Variants in PLA2G7 observed in about 807,000 individuals in gnomAD.
PLA2G7 encodes phospholipase A2 group VII, also known as platelet-activating factor acetylhydrolase.
In PLA2G7, 63 loss-of-function variants were observed where a neutral mutation model predicts 49.6. The ratio of observed to expected loss-of-function variants is 1.27; its 90% CI spans 1.04 to 1.57. PLA2G7 has a LOEUF of 1.57. Among genes scored for constraint, PLA2G7 ranks in the 40% most tolerant of loss-of-function variants. The pLI is 0.00. For synonymous variants in PLA2G7, 193 were observed against 169.9 expected, an observed-to-expected ratio of 1.14 and a Z score of -1.06; for missense variants, 596 against 521.2, an observed-to-expected ratio of 1.14 and a Z score of -1.40.
chr6:46,705,703 CTTTAAA>C (rs1764798414), intron 10 of PLA2G7, among the ~76,000 whole-genome samples: 1 of 152,206 alleles, frequency 6.6e-6, no homozygotes, highest in African/African-American at 2.4e-5. Context: ...ATGCTAGTCA[CTTTAAA>C]TTTAAATCAC....
rs1055693175 is a variant in PLA2G7, at chr6:46,704,405, T to C, written c.*155A>G. On this transcript the variant is annotated 3_prime_UTR_variant, in exon 12 of 12. Coordinates refer to ENST00000274793, the MANE Select transcript of PLA2G7 (RefSeq NM_005084.4). The stretch of plus-strand genomic sequence containing the variant: ...ATCACGATTACAGTATAGCCTACAT[T>C]TTAAAATATGAGTCCTTTGGGAAAA... 2 of 654,340 alleles carry C rather than the reference T, an allele frequency of 3.1e-6. No individual in the cohort carries two copies. The highest frequency in any genetic ancestry group is 3.6e-5 in the African/African-American group (2 of 55,498). The allele number at this position is 654,340 out of a possible 1,614,324, so 40.5% of individuals were successfully genotyped here.
rs45511202 is a variant in PLA2G7 at position 46,707,410 on chromosome 6, G to T, written c.1040+581C>A. The stretch of plus-strand genomic sequence containing the variant: ...CCCCACCAAATCACATGTCAAATTG[G>T]AATCCCCAGTGTCAGAGGCAGGGAC... On this transcript the variant is annotated intron_variant, in intron 10 of 11. Transcript: ENST00000274793. Among the ~76,000 whole-genome samples the T allele has an allele frequency of 3.4e-3, 520 of 152,266 alleles. 2 individuals carry two copies. The highest frequency in any genetic ancestry group is 0.012 in the African/African-American group (494 of 41,560).
At chr6:46,729,332 G>C (rs1170162913) in intron 1 of PLA2G7, among the ~76,000 whole-genome samples, 3 of 152,170 alleles carry the variant, frequency 2.0e-5, no homozygotes, top group Non-Finnish European at 4.4e-5. Context: ...AAAGCTGTTA[G>C]CTCCCTAAAA....
At chr6:46,708,813 C>T (rs1764913768) in intron 9 of PLA2G7, among the ~76,000 whole-genome samples, 1 of 152,022 alleles carries the variant, frequency 6.6e-6, no homozygotes, top group Non-Finnish European at 1.5e-5. Context: ...ACGGTTGGTT[C>T]TATGTGATCT....
intron 10 of PLA2G7, among the ~76,000 whole-genome samples, chr6:46,707,622 A>G (rs1056927688): frequency 2.0e-5 from 3 of 152,156 alleles, no homozygotes; most frequent in African/African-American, 7.2e-5. Flanking sequence ...GCCTTCCACC[A>G]TAATTGTAAG....
At chr6:46,710,182 CTGATA>C (rs1226967443) in intron 8 of PLA2G7, among the ~76,000 whole-genome samples, 1 of 152,150 alleles carries the variant, frequency 6.6e-6, no homozygotes, top group Non-Finnish European at 1.5e-5. Context: ...CCCACTCTGT[CTGATA>C]TTTTTCCACC....
chr6:46,728,600 T>G (rs1441187487), intron 1 of PLA2G7, among the ~76,000 whole-genome samples: 1 of 152,226 alleles, frequency 6.6e-6, no homozygotes, highest in East Asian at 1.9e-4. Context: ...GCATCCCATG[T>G]GCAAATGTCC....
Position 46,705,216 on chromosome 6 carries a change from C to G in PLA2G7, c.1126G>C (p.Asp376His). 6.2e-7 allele frequency: 1 copy of G among 1,607,562 alleles called. No individual in the cohort carries two copies. Among genetic ancestry groups the G allele is most frequent in the East Asian group, 2.2e-5 (1 of 44,812 alleles). ...CTAAGATCAATAGCTACATTTGAAT[C>G]TATGTCTCCCTTTAATTTGAGCATG... ...GHMLKLKGDI[D>H]SNVAIDLSNK... The change falls in exon 11 of 12, where the codon GAT (aspartate) becomes CAT (histidine). Residue 376 changes from aspartate (D) to histidine (H), a missense_variant. Asp to His is a moderately conservative substitution (Grantham distance 81). Coordinates refer to ENST00000274793, the MANE Select transcript of PLA2G7 (RefSeq NM_005084.4).
chr6:46,713,186 C>T (rs186319726), intron 5 of PLA2G7, among the ~76,000 whole-genome samples: 3 of 152,306 alleles, frequency 2.0e-5, no homozygotes, highest in Admixed American at 2.0e-4. Context: ...GCTTCATTTG[C>T]ACAACCTTTT....
intron 2 of PLA2G7, among the ~76,000 whole-genome samples, chr6:46,719,909 C>G (rs1429050736): frequency 1.3e-5 from 2 of 152,214 alleles, no homozygotes; most frequent in Admixed American, 6.5e-5. Context: ...GATTCAAACC[C>G]CAGAAACTTT....
intron 1 of PLA2G7, among the ~76,000 whole-genome samples, chr6:46,725,824 G>T (rs1765556124): frequency 6.6e-6 from 1 of 152,112 alleles, no homozygotes; most frequent in Admixed American, 6.5e-5. Context: ...CACTGAAGGG[G>T]CCAAGGGGGC....
At chr6:46,713,915 A>G (rs1765113720) in intron 5 of PLA2G7, among the ~76,000 whole-genome samples, 1 of 152,174 alleles carries the variant, frequency 6.6e-6, no homozygotes, top group Non-Finnish European at 1.5e-5. Context: ...AGGACTCTTG[A>G]TAAGCAAATA....
intron 1 of PLA2G7, among the ~76,000 whole-genome samples, chr6:46,730,563 C>G (rs908995545): frequency 6.6e-6 from 1 of 152,030 alleles, no homozygotes; most frequent in African/African-American, 2.4e-5. Context: ...GTGAACTGTC[C>G]TTATTCTATT....
At chr6:46,733,556 G>A (rs981177734) in intron 1 of PLA2G7, among the ~76,000 whole-genome samples, 3 of 152,214 alleles carry the variant, frequency 2.0e-5, no homozygotes, top group Non-Finnish European at 4.4e-5. Flanking sequence ...GCAGCTTCTG[G>A]TGCACAAATA....
intron 1 of PLA2G7, among the ~76,000 whole-genome samples, chr6:46,731,738 G>A (rs1765739913): frequency 6.6e-6 from 1 of 152,096 alleles, no homozygotes; most frequent in Admixed American, 6.5e-5. Flanking sequence ...AAATAATAAT[G>A]GTAATAATGT....
At chr6:46,731,824 C>G (rs1476011631) in intron 1 of PLA2G7, among the ~76,000 whole-genome samples, 1 of 152,108 alleles carries the variant, frequency 6.6e-6, no homozygotes, top group Non-Finnish European at 1.5e-5. Context: ...ATCTCATTCC[C>G]ATTTTGTAGA....
Position 46,707,993 on chromosome 6 carries a change from G to A in PLA2G7, c.1038C>T (p.Ile346=). 6.4e-7 allele frequency: 1 copy of A among 1,552,394 alleles called. No individual in the cohort carries two copies. The highest frequency in any genetic ancestry group is 1.7e-5 in the Admixed American group (1 of 59,584). ...SPDKERKMIT[I]RGSVHQNFAD... ...TGAAATAAGTCACTAATACTTACCT[G>A]ATTGTAATCATCTTTCTTTCTTTAT... Residue 346 remains isoleucine (I), a splice_region_variant and synonymous_variant, in exon 10 of 12, where the codon ATC becomes ATT. Coordinates refer to ENST00000274793, the MANE Select transcript of PLA2G7 (RefSeq NM_005084.4).
chr6:46,716,805 A>G (rs1406384256), intron 3 of PLA2G7, among the ~76,000 whole-genome samples, 170 bp downstream of exon 3: 2 of 152,372 alleles, frequency 1.3e-5, no homozygotes, highest in East Asian at 3.9e-4. Context: ...AGACAATAAC[A>G]AAGAATTGAG....
Position 46,714,471 on chromosome 6 carries a change from A to C in PLA2G7, c.459T>G (p.Leu153=), listed in dbSNP as rs1293844419. The change falls in exon 5 of 12, where the codon CTT becomes CTG. Residue 153 remains leucine (L), a synonymous_variant. Transcript: ENST00000274793. ...KYPLVVFSHG[L]GAFRTLYSAI... Reference sequence around the variant, plus strand: ...CTCTCAAACATTACCTGAATGCCCCAAGACCATGAGAAAAAACAACAAGTG... The same window carrying C: ...CTCTCAAACATTACCTGAATGCCCCCAGACCATGAGAAAAAACAACAAGTG... 6.2e-7 allele frequency: 1 copy of C among 1,608,332 alleles called. No individual in the cohort carries two copies. The highest frequency in any genetic ancestry group is 2.2e-5 in the East Asian group (1 of 44,840).
Sources: gnomAD v4.1 joint callset for allele counts (sites outside exome capture counted in the v4.1 genomes callset) on GRCh38, gnomAD v4.1.1 for gene constraint, MANE v1.5 for transcripts, NCBI Gene and HGNC (gene_info 2026-07-23, HGNC 2026-07-21) for gene names.